Variants in KPNA1 observed in about 807,000 individuals in gnomAD.
KPNA1 encodes karyopherin subunit alpha 1, also known as importin subunit alpha-5.
In KPNA1, 10 loss-of-function variants were observed where a neutral mutation model predicts 70.5. That is an observed-to-expected ratio of 0.14 (90% CI 0.09 to 0.24). The LOEUF (loss-of-function observed/expected upper bound fraction) is 0.24. Among genes scored for constraint, KPNA1 ranks in the 10% least tolerant of loss-of-function variants. The probability of loss-of-function intolerance (pLI) is 1.00; values close to 1 mark genes in which losing one functional copy is unlikely to be tolerated. For synonymous variants in KPNA1, 192 were observed against 221.9 expected, an observed-to-expected ratio of 0.87 and a Z score of 1.20; for missense variants, 397 against 637.9, an observed-to-expected ratio of 0.62 and a Z score of 4.07.
rs117888880 is a variant in KPNA1, at chr3:122,476,152, G to T, written c.130-8723C>A. Among the ~76,000 whole-genome samples, 50 of 152,260 alleles carry T rather than the reference G, an allele frequency of 3.3e-4. 2 individuals carry two copies. The East Asian group carries it at 8.7e-3, about 26-fold the overall frequency. On this transcript the variant is annotated intron_variant, in intron 2 of 13. Transcript: ENST00000344337. ...TAAATCCACACATTTATGATTAATT[G>T]ATTTTTCTACAAAGGTGCCAAGAAC...
intron 2 of KPNA1, among the ~76,000 whole-genome samples, chr3:122,475,131 T>C (rs769940780): frequency 6.6e-6 from 1 of 152,136 alleles, no homozygotes; most frequent in Non-Finnish European, 1.5e-5. Context: ...AATAAACTGT[T>C]AGAAATAATA....
In KPNA1 at chr3:122,483,718, G is replaced by A. The variant is rs535748650; in HGVS notation, c.129+12719C>T. 3.3e-5 allele frequency among the ~76,000 whole-genome samples: 5 copies of A among 152,112 alleles called. No homozygotes were observed. The South Asian group carries it at 6.2e-4, about 19-fold the overall frequency. On this transcript the variant is annotated intron_variant, in intron 2 of 13. Transcript: ENST00000344337. ...GCTCTAGAAACATTTTTAAAAGGAG[G>A]GAATCCCACCTCATCCCATTTTTTA...
At chr3:122,429,886 T>C (rs1042998828) in intron 12 of KPNA1, among the ~76,000 whole-genome samples, 2 of 152,176 alleles carry the variant, frequency 1.3e-5, no homozygotes, top group African/African-American at 2.4e-5. Context: ...AATACTTGAA[T>C]GTTTGTTCCC....
At chr3:122,511,576 T>C (rs2076955587) in intron 1 of KPNA1, among the ~76,000 whole-genome samples, 1 of 152,218 alleles carries the variant, frequency 6.6e-6, no homozygotes, top group Non-Finnish European at 1.5e-5. Flanking sequence ...ACCTCAAAAT[T>C]TTCTAATGCA....
At chr3:122,489,696 G>A (rs2076675363) in intron 2 of KPNA1, among the ~76,000 whole-genome samples, 1 of 152,048 alleles carries the variant, frequency 6.6e-6, no homozygotes, top group Non-Finnish European at 1.5e-5. Context: ...AGTTTCAACT[G>A]ATCATTCTCC....
intron 12 of KPNA1, among the ~76,000 whole-genome samples, chr3:122,430,185 ATTC>A (rs2075882094): frequency 6.6e-6 from 1 of 151,914 alleles, no homozygotes; most frequent in Non-Finnish European, 1.5e-5. Context: ...GTAAATCTGT[ATTC>A]TTTGATTTAA....
At chr3:122,438,728 C>A (rs1222063478) in intron 10 of KPNA1, among the ~76,000 whole-genome samples, 2 of 151,994 alleles carry the variant, frequency 1.3e-5, no homozygotes, top group Non-Finnish European at 2.9e-5. Flanking sequence ...TAATATAAAC[C>A]CTAAGTCACC....
At chr3:122,480,385 C>T (rs7642161) in intron 2 of KPNA1, among the ~76,000 whole-genome samples, 56,993 of 151,478 alleles carry the variant, frequency 0.38, 11,133 homozygotes, top group East Asian at 0.54. Context: ...GGGCAGAGAG[C>T]ATATAAGAAA....
At chr3:122,502,075 C>G (rs1005702527) in intron 1 of KPNA1, among the ~76,000 whole-genome samples, 1 of 152,170 alleles carries the variant, frequency 6.6e-6, no homozygotes, top group Non-Finnish European at 1.5e-5. Context: ...GCTACCACAT[C>G]TTCTATTTTA....
At chr3:122,478,614 C>T (rs1408600342) in intron 2 of KPNA1, among the ~76,000 whole-genome samples, 1 of 151,650 alleles carries the variant, frequency 6.6e-6, no homozygotes, top group East Asian at 1.9e-4. Flanking sequence ...CCCAGCTACT[C>T]AGGAGGCTGA....
chr3:122,459,416 A>G, intron 5 of KPNA1: 1 of 985,264 alleles, frequency 1.0e-6, no homozygotes, highest in Non-Finnish European at 1.2e-6. Flanking sequence ...TTTTTTCAGC[A>G]TGAACAAAAT....
Position 122,422,511 on chromosome 3 carries a change from G to GC in KPNA1, c.*4473dup. On this transcript the variant is annotated 3_prime_UTR_variant, in exon 14 of 14. Coordinates refer to ENST00000344337, the MANE Select transcript of KPNA1 (RefSeq NM_002264.4). ...GTCATTTTAAGGGTGCTGATGGTAAGCAGGAGTCAGGAAGAATGGTCTAAC... is the reference window on the plus strand; with the variant it reads ...GTCATTTTAAGGGTGCTGATGGTAAGCCAGGAGTCAGGAAGAATGGTCTAAC... 6.6e-6 allele frequency: 1 copy of GC among 152,316 alleles called. No individual in the cohort carries two copies. The highest frequency in any genetic ancestry group is 2.1e-4 in the South Asian group (1 of 4,828). The allele number at this position is 152,316 out of a possible 1,614,324, so 9.4% of individuals were successfully genotyped here.
At chr3:122,483,052 TCTCAG>T (rs1446697099) in intron 2 of KPNA1, 3 of 154,446 alleles carry the variant, frequency 1.9e-5, no homozygotes, top group Non-Finnish European at 2.9e-5. Context: ...CCAGCACAGT[TCTCAG>T]CTAACTCTGC....
At chr3:122,496,870 ATTT>A (rs1225120003) in intron 1 of KPNA1, among the ~76,000 whole-genome samples, 4 of 152,054 alleles carry the variant, frequency 2.6e-5, no homozygotes, top group Non-Finnish European at 5.9e-5. Flanking sequence ...TGCCCAGAGA[ATTT>A]TTTTATTTTT....
At chr3:122,482,451 T>C (rs771601073) in intron 2 of KPNA1, among the ~76,000 whole-genome samples, 17 of 152,114 alleles carry the variant, frequency 1.1e-4, no homozygotes, top group South Asian at 4.1e-4. Flanking sequence ...ATAAAACAGA[T>C]AGGTCTGTTT....
At chr3:122,476,878 A>AC (rs1426359580) in intron 2 of KPNA1, among the ~76,000 whole-genome samples, 2 of 150,354 alleles carry the variant, frequency 1.3e-5, no homozygotes, top group Non-Finnish European at 3.0e-5. Context: ...AAAAAAAAAA[A>AC]AAAAAACTAA....
At chr3:122,497,340 G>A (rs971361767) in intron 1 of KPNA1, among the ~76,000 whole-genome samples, 12 of 152,254 alleles carry the variant, frequency 7.9e-5, no homozygotes, top group Non-Finnish European at 1.0e-4. Flanking sequence ...CCAGCTAATG[G>A]ACATTTGGAA....
rs552325767 is a variant in KPNA1 at position 122,459,684 on chromosome 3, A to G, written c.432+1540T>C. ...CAGAATTACAATCCAGGAGGCAGCTAGCAAAACAGAACCTTAATTCAAATG... is the reference window on the plus strand; with the variant it reads ...CAGAATTACAATCCAGGAGGCAGCTGGCAAAACAGAACCTTAATTCAAATG... On this transcript the variant is annotated intron_variant, in intron 5 of 13. Coordinates refer to ENST00000344337, the MANE Select transcript of KPNA1 (RefSeq NM_002264.4). 3.2e-5 allele frequency: 32 copies of G among 985,514 alleles called. No homozygotes were observed. In the East Asian group the frequency reaches 4.5e-4, roughly 14 times the overall value. 61.0% of individuals were successfully genotyped at this position (985,514 alleles called of 1,614,324 possible).
chr3:122,498,717 G>A (rs1460427267), intron 1 of KPNA1, among the ~76,000 whole-genome samples: 2 of 152,076 alleles, frequency 1.3e-5, no homozygotes, highest in East Asian at 3.9e-4. Context: ...CTTTTTTCAA[G>A]ATTGTTTTGG....
Sources: allele counts gnomAD v4.1 joint callset (sites outside exome capture counted in the v4.1 genomes callset), GRCh38; gene constraint gnomAD v4.1.1; transcripts MANE v1.5; gene names NCBI Gene and HGNC (gene_info 2026-07-23, HGNC 2026-07-21).